The following NFRKB variants were observed in gnomAD, a reference collection of about 807,000 sequenced individuals.
NFRKB encodes nuclear factor related to kappaB binding protein.
A neutral mutation model predicts 135.7 loss-of-function variants in NFRKB; 62 were observed. The observed-to-expected ratio is 0.46, with a 90% CI of 0.37 to 0.56. The LOEUF (loss-of-function observed/expected upper bound fraction) is 0.56. Among genes scored for constraint, NFRKB ranks in the 20% least tolerant of loss-of-function variants. The probability of loss-of-function intolerance (pLI) is 0.00; values close to 1 mark genes in which losing one functional copy is unlikely to be tolerated. For missense variants in NFRKB, 1,545 were observed against 1,662.0 expected, an observed-to-expected ratio of 0.93 and a Z score of 1.22; for synonymous variants, 678 against 635.6, an observed-to-expected ratio of 1.07 and a Z score of -1.00.
In NFRKB at chr11:129,883,132, G is replaced by A. The variant is rs777850077; in HGVS notation, c.891C>T (p.Gly297=). ...IMTRVNAGRK[G]SLAALYDLAV... Reference sequence around the variant, plus strand: ...GGCCCAGTCATTTACCTGCCAGAGAGCCCTTCCTGCCAGCATTTACTCGAG... The same window carrying A: ...GGCCCAGTCATTTACCTGCCAGAGAACCCTTCCTGCCAGCATTTACTCGAG... Residue 297 remains glycine, a synonymous_variant, in exon 9 of 27, where the codon GGC becomes GGT. Coordinates refer to ENST00000682444, the MANE Select transcript of NFRKB (RefSeq NM_001143835.2). 1.9e-6 allele frequency: 3 copies of A among 1,613,918 alleles called. No individual in the cohort carries two copies. Among genetic ancestry groups the A allele is most frequent in the Non-Finnish European group, 8.5e-7 (1 of 1,179,982 alleles).
chr11:129,889,913 C>G (rs1949461475), intron 3 of NFRKB, among the ~76,000 whole-genome samples: 1 of 150,450 alleles, frequency 6.6e-6, no homozygotes, highest in Non-Finnish European at 1.5e-5. Flanking sequence ...TGTCCCTACC[C>G]TAACTGAAGG....
chr11:129,868,870 A>G (rs1439386178), intron 24 of NFRKB, among the ~76,000 whole-genome samples: 1 of 152,114 alleles, frequency 6.6e-6, no homozygotes, highest in Non-Finnish European at 1.5e-5. Flanking sequence ...AAAACACAAA[A>G]TAAGCCGGGT....
At chr11:129,870,882 TA>T (rs1314130003) in intron 23 of NFRKB, among the ~76,000 whole-genome samples, 3 of 152,116 alleles carry the variant, frequency 2.0e-5, no homozygotes, top group Non-Finnish European at 4.4e-5. Context: ...CTTCCCACCC[TA>T]AAAAACAACC....
chr11:129,873,457 C>T (rs1335927167), intron 22 of NFRKB, among the ~76,000 whole-genome samples: 1 of 152,222 alleles, frequency 6.6e-6, no homozygotes, highest in Non-Finnish European at 1.5e-5. Context: ...GCCTGAGAGG[C>T]AGACTCACAA....
intron 9 of NFRKB, 91 bp downstream of exon 9, chr11:129,883,031 C>G (rs945513973): frequency 4.4e-6 from 5 of 1,143,166 alleles, no homozygotes; most frequent in Non-Finnish European, 6.5e-6. Context: ...ATGAGAGAGG[C>G]CATGGTTTCA....
intron 4 of NFRKB, 133 bp downstream of exon 4, chr11:129,888,461 C>T (rs766210489): frequency 2.1e-6 from 2 of 944,238 alleles, no homozygotes; most frequent in Admixed American, 1.9e-5. Context: ...AAGTGTTACA[C>T]AAAACCGCTC....
chr11:129,880,425 G>A (rs757366306), intron 13 of NFRKB, among the ~76,000 whole-genome samples: 27 of 151,984 alleles, frequency 1.8e-4, no homozygotes, highest in Middle Eastern at 3.2e-3. Context: ...CTAAATTACC[G>A]TCAGCTCTCA....
At chr11:129,881,366 G>A (rs1949017156) in intron 13 of NFRKB, 77 bp downstream of exon 13, 12 of 1,436,792 alleles carry the variant, frequency 8.4e-6, no homozygotes, top group East Asian at 2.3e-5. Context: ...GGACTATATT[G>A]ACTGGAAGGC....
intron 18 of NFRKB, 118 bp downstream of exon 18, chr11:129,875,239 C>T: frequency 1.1e-6 from 1 of 898,944 alleles, no homozygotes; most frequent in Non-Finnish European, 1.7e-6. Context: ...ATGCATTTTT[C>T]AAGGTATGTT....
rs989698048 is a variant in NFRKB, at chr11:129,863,914, T to G, written c.*811A>C. 1 of 152,348 alleles carries G rather than the reference T, an allele frequency of 6.6e-6. No individual in the cohort carries two copies. Among genetic ancestry groups the G allele is most frequent in the African/African-American group, 2.4e-5 (1 of 41,458 alleles). 9.4% of individuals were successfully genotyped at this position (152,348 alleles called of 1,614,324 possible). ...GTTTCTGCTGCAAAAGCAGCACCTCTGCTGTCCGTCCCCTCCTCTCTGTCC... is the reference window on the plus strand; with the variant it reads ...GTTTCTGCTGCAAAAGCAGCACCTCGGCTGTCCGTCCCCTCCTCTCTGTCC... On this transcript the variant is annotated 3_prime_UTR_variant, in exon 27 of 27. Coordinates refer to ENST00000682444, the MANE Select transcript of NFRKB (RefSeq NM_001143835.2).
At chr11:129,878,651 A>G in intron 13 of NFRKB, 108 bp from the exon 14 acceptor site, 1 of 945,268 alleles carries the variant, frequency 1.1e-6, no homozygotes, top group Admixed American at 2.2e-5. Flanking sequence ...TTCTATCAGG[A>G]GCTGTAGCAA....
At chr11:129,873,166 C>A in intron 22 of NFRKB, 70 bp from the exon 23 acceptor site, 3 of 1,346,050 alleles carry the variant, frequency 2.2e-6, no homozygotes, top group South Asian at 1.5e-5. Context: ...AAGCAAGAGT[C>A]TCCCTCAGCA....
rs761603407 is a variant in NFRKB, at chr11:129,881,736, C to G, written c.1309G>C (p.Glu437Gln). The G allele has an allele frequency of 3.1e-6, 5 of 1,614,102 alleles. No individual in the cohort carries two copies. In the South Asian group the frequency reaches 5.5e-5, roughly 18 times the overall value. ...AAAAAGAGCATCTTACCTCGACTTT[C>G]TCCAGCAAGATACTGCAGGGCTGGT... ...VLPALQYLAG[E>Q]SRAVPSSFSP... Residue 437 changes from glutamate to glutamine, a missense_variant, in exon 12 of 27, where the codon GAA (glutamate) becomes CAA (glutamine). Physicochemically the swap from Glu to Gln is conservative, Grantham distance 29 (BLOSUM62 2). Around this residue, in one of 3 missense-constraint regions of NFRKB, gnomAD observed 678 missense variants for 646.7 expected, o/e 1.05. Coordinates refer to ENST00000682444, the MANE Select transcript of NFRKB (RefSeq NM_001143835.2).
Position 129,865,993 on chromosome 11 carries a change from A to G in NFRKB, c.3532-10T>C, listed in dbSNP as rs750024247. The G allele has an allele frequency of 1.3e-6, 2 of 1,582,724 alleles. No homozygotes were observed. Among genetic ancestry groups the G allele is most frequent in the South Asian group, 2.3e-5 (2 of 86,942 alleles). On this transcript the variant is annotated splice_polypyrimidine_tract_variant and intron_variant, in intron 24 of 26. Coordinates refer to ENST00000682444, the MANE Select transcript of NFRKB (RefSeq NM_001143835.2). Reference sequence around the variant, plus strand: ...GTGTAGGCAACTTCCCCTAGAAAAAAAAAGCAGTCAGGTTTTGTAAGACAG... The same window carrying G: ...GTGTAGGCAACTTCCCCTAGAAAAAGAAAGCAGTCAGGTTTTGTAAGACAG...
chr11:129,884,706 A>C (rs371960879), intron 7 of NFRKB, 39 bp downstream of exon 7: 133 of 1,609,910 alleles, frequency 8.3e-5, no homozygotes, highest in Non-Finnish European at 1.1e-4. Flanking sequence ...TCTCCACCGC[A>C]ATGTCCCAGA....
Position 129,876,701 on chromosome 11 carries a change from A to C in NFRKB, c.1747+20T>G. The C allele has an allele frequency of 1.2e-6, 2 of 1,607,204 alleles. No individual in the cohort carries two copies. Among genetic ancestry groups the C allele is most frequent in the South Asian group, 2.2e-5 (2 of 90,174 alleles). On this transcript the variant is annotated intron_variant, in intron 17 of 26. Coordinates refer to ENST00000682444, the MANE Select transcript of NFRKB (RefSeq NM_001143835.2). The stretch of plus-strand genomic sequence containing the variant: ...CGGGGTGAAGAAAGGGATCTCTGAT[A>C]ATCGACACGTGCCACCTACCAAGAG...
In NFRKB at chr11:129,873,806, A is replaced by G; in HGVS notation, c.2489T>C (p.Met830Thr). ...AACCCGGATCTGCGGTCCTGCTGGC[A>G]TCTGTGGCAATGTCTGTGCCGGCCC... The part of the protein sequence containing the change: ...SGGPAQTLPQ[M>T]PAGPQIRVPA... Residue 830 changes from methionine (M) to threonine (T), a missense_variant, in exon 22 of 27, where the codon ATG (methionine) becomes ACG (threonine). Physicochemically the swap from Met to Thr is moderately conservative, Grantham distance 81 (BLOSUM62 -1). Transcript: ENST00000682444. 6.2e-7 allele frequency: 1 copy of G among 1,614,164 alleles called. No homozygotes were observed. The highest frequency in any genetic ancestry group is 8.5e-7 in the Non-Finnish European group (1 of 1,180,030).
intron 11 of NFRKB, 96 bp downstream of exon 11, chr11:129,881,990 G>T: frequency 6.9e-7 from 1 of 1,448,660 alleles, no homozygotes; most frequent in Non-Finnish European, 9.3e-7. Flanking sequence ...AGAGCGTTGA[G>T]AGGAACTCAG....
Position 129,864,698 on chromosome 11 carries a change from T to C in NFRKB, c.*27A>G. 1 of 1,613,886 alleles carries C rather than the reference T, an allele frequency of 6.2e-7. No homozygotes were observed. The highest frequency in any genetic ancestry group is 2.2e-5 in the East Asian group (1 of 44,882). ...CAGCCAGGACAGACCAGGCATGGTC[T>C]TTCACGGAAGCCATCCTCTCTCATA... is the stretch of plus-strand genomic sequence containing the variant. On this transcript the variant is annotated 3_prime_UTR_variant, in exon 27 of 27. Transcript: ENST00000682444.
Sources: allele counts gnomAD v4.1 joint callset (sites outside exome capture counted in the v4.1 genomes callset), GRCh38; gene constraint gnomAD v4.1.1; regional missense constraint gnomAD v4.1.1; transcripts MANE v1.5; gene names NCBI Gene and HGNC (gene_info 2026-07-23, HGNC 2026-07-21).